Variants in CNN3 observed in about 807,000 individuals in gnomAD.
The protein encoded by CNN3 is calponin 3, also known as calponin-3.
CNN3 carries 11 observed loss-of-function variants against 39.0 expected under a neutral mutation model. That is an observed-to-expected ratio of 0.28 (90% confidence interval 0.18 to 0.47). The LOEUF is 0.47. CNN3 is among the 20% of genes least tolerant of loss of function. The pLI is 0.99. For missense variants in CNN3, 266 were observed against 403.4 expected, an observed-to-expected ratio of 0.66 and a Z score of 2.92; for synonymous variants, 101 against 138.3, an observed-to-expected ratio of 0.73 and a Z score of 1.89.
chr1:94,918,184 T>C (rs1021467812), intron 1 of CNN3, among the ~76,000 whole-genome samples: 1 of 152,134 alleles, frequency 6.6e-6, no homozygotes, highest in African/African-American at 2.4e-5. Context: ...CATGAATATA[T>C]TGCCCAGTTG....
chr1:94,901,406 A>AAT (rs2101717976), intron 5 of CNN3, among the ~76,000 whole-genome samples: 1 of 151,886 alleles, frequency 6.6e-6, no homozygotes, highest in South Asian at 2.1e-4. Flanking sequence ...CTTTTTTAAA[A>AAT]AAAAAAAAAA....
chr1:94,912,422 C>A (rs1671187469), intron 1 of CNN3, among the ~76,000 whole-genome samples: 1 of 152,180 alleles, frequency 6.6e-6, no homozygotes, highest in Non-Finnish European at 1.5e-5. Context: ...CCATCCCCAC[C>A]CAGAGGGCAA....
chr1:94,914,687 T>C lies in CNN3; in HGVS notation c.58-11163A>G, dbSNP rs184432141. 7.9e-5 allele frequency among the ~76,000 whole-genome samples: 12 copies of C among 152,336 alleles called. 1 individual carries two copies. The East Asian group carries it at 2.3e-3, about 29-fold the overall frequency. ...AGATTGCAAATGCTTTTTTGCTTAC[T>C]ACAATGGAGTCTGTCCATTTGAGAA... On this transcript the variant is annotated intron_variant, in intron 1 of 6. Coordinates refer to ENST00000370206, the MANE Select transcript of CNN3 (RefSeq NM_001839.5).
intron 2 of CNN3, 21 bp downstream of exon 2, chr1:94,903,382 T>C: frequency 1.3e-6 from 2 of 1,563,684 alleles, no homozygotes; most frequent in Non-Finnish European, 1.7e-6. Flanking sequence ...CAGAAACAGA[T>C]TCTGGAGGGC....
At chr1:94,898,139 A>G in intron 6 of CNN3, 56 bp from the exon 7 acceptor site, 1 of 1,460,064 alleles carries the variant, frequency 6.8e-7, no homozygotes, top group South Asian at 1.3e-5. Flanking sequence ...TATTCTTGTG[A>G]ATAATTTATA....
In CNN3 at chr1:94,910,306, G is replaced by A. The variant is rs78366698; in HGVS notation, c.58-6782C>T. 5.0e-3 allele frequency among the ~76,000 whole-genome samples: 767 copies of A among 152,266 alleles called. 4 individuals carry two copies. The highest frequency in any genetic ancestry group is 0.014 in the Middle Eastern group (4 of 294). ...ATATCAGGCACAGTTCAAAGGCAAA[G>A]TCTCTGTCCTAAAAGCTTACATTCT... is the stretch of plus-strand genomic sequence containing the variant. On this transcript the variant is annotated intron_variant, in intron 1 of 6. Coordinates refer to ENST00000370206, the MANE Select transcript of CNN3 (RefSeq NM_001839.5).
intron 1 of CNN3, chr1:94,925,817 C>G (rs1277965621): frequency 1.0e-6 from 1 of 985,302 alleles, no homozygotes; most frequent in Non-Finnish European, 1.2e-6. Flanking sequence ...TTGGCCAGAA[C>G]AGCAGAAAGG....
intron 1 of CNN3, among the ~76,000 whole-genome samples, chr1:94,908,979 TAA>T (rs58396959): frequency 0.091 from 12,282 of 134,436 alleles, 741 homozygotes; most frequent in African/African-American, 0.17. Flanking sequence ...CCCGTCTCTT[TAA>T]AAAAAAAAAA....
At chr1:94,914,477 C>G (rs758988042) in intron 1 of CNN3, among the ~76,000 whole-genome samples, 1 of 152,148 alleles carries the variant, frequency 6.6e-6, no homozygotes, top group African/African-American at 2.4e-5. Flanking sequence ...ACTGACCACC[C>G]GCATCCCCAT....
At position 94,927,048 on chromosome 1, in the gene CNN3, C is replaced by CCTGGGCGACTGGGTCCAACT. The variant is rs1249926111; in HGVS notation, c.-174_-155dup. 9 of 753,408 alleles carry CCTGGGCGACTGGGTCCAACT rather than the reference C, an allele frequency of 1.2e-5. No homozygotes were observed. The highest frequency in any genetic ancestry group is 1.9e-5 in the Non-Finnish European group (9 of 474,426). 46.7% of individuals were successfully genotyped at this position (753,408 alleles called of 1,614,324 possible). A position where few individuals can be genotyped will look rare whatever the true frequency, so the allele number is the denominator to read the frequency against. Reference sequence around the variant, plus strand: ...AGACGGCCGCGGGGCGCGGGCGGTGCCTGGGCGACTGGGTCCAACTGGGTG... The same window carrying CCTGGGCGACTGGGTCCAACT: ...AGACGGCCGCGGGGCGCGGGCGGTGCCTGGGCGACTGGGTCCAACTCTGGGCGACTGGGTCCAACTGGGTG... On this transcript the variant is annotated 5_prime_UTR_variant, in exon 1 of 7. Coordinates refer to ENST00000370206, the MANE Select transcript of CNN3 (RefSeq NM_001839.5).
chr1:94,903,553 G>T (rs1411271942), intron 1 of CNN3, 29 bp from the exon 2 acceptor site: 1 of 1,612,968 alleles, frequency 6.2e-7, no homozygotes, highest in Admixed American at 1.7e-5. Flanking sequence ...CACTTTAGAA[G>T]AATTTCACAA....
intron 4 of CNN3, 80 bp from the exon 5 acceptor site, chr1:94,901,865 G>T: frequency 1.0e-6 from 1 of 995,504 alleles, no homozygotes; most frequent in Non-Finnish European, 1.5e-6. Context: ...TATGTCCATA[G>T]ACAAAGGGGC....
chr1:94,897,630 T>C lies in CNN3; in HGVS notation c.*112A>G, dbSNP rs1020296745. On this transcript the variant is annotated 3_prime_UTR_variant, in exon 7 of 7. Transcript: ENST00000370206. ...TACGTAAGGCAATTTTTCTTAAAAGTACAATAAGCTTAATAGTGTTTTAGG... is the reference window on the plus strand; with the variant it reads ...TACGTAAGGCAATTTTTCTTAAAAGCACAATAAGCTTAATAGTGTTTTAGG... 9.3e-5 allele frequency: 94 copies of C among 1,016,126 alleles called. No homozygotes were observed. Among genetic ancestry groups the C allele is most frequent in the Non-Finnish European group, 1.3e-4 (92 of 698,384 alleles). The allele number at this position is 1,016,126 out of a possible 1,614,324, so 62.9% of individuals were successfully genotyped here.
At position 94,903,532 on chromosome 1, in the gene CNN3, A is replaced by G; in HGVS notation, c.58-8T>C. ...ATCATACTTGGAAGCAATCTGAAAT[A>G]CAGGTTAACTCACTTTAGAAGAATT... On this transcript the variant is annotated splice_region_variant and splice_polypyrimidine_tract_variant and intron_variant, in intron 1 of 6. Transcript: ENST00000370206. The G allele has an allele frequency of 6.2e-7, 1 of 1,613,920 alleles. No homozygotes were observed. The highest frequency in any genetic ancestry group is 1.1e-5 in the South Asian group (1 of 91,050).
chr1:94,921,124 T>C (rs981834722), intron 1 of CNN3, among the ~76,000 whole-genome samples: 2 of 152,208 alleles, frequency 1.3e-5, no homozygotes, highest in South Asian at 4.1e-4. Flanking sequence ...CTGGGCACAG[T>C]TGCTCACACC....
chr1:94,912,049 A>G (rs747570615), intron 1 of CNN3, among the ~76,000 whole-genome samples: 1 of 152,084 alleles, frequency 6.6e-6, no homozygotes, highest in Admixed American at 6.5e-5. Context: ...TTGGGCAACA[A>G]GAGTGAAATT....
chr1:94,907,694 G>A (rs558528373), intron 1 of CNN3, among the ~76,000 whole-genome samples: 5 of 152,126 alleles, frequency 3.3e-5, no homozygotes, highest in East Asian at 3.9e-4. Context: ...CCCTGTCTCT[G>A]CTAAAAATAC....
In CNN3 at chr1:94,921,157, G is replaced by A. The variant is rs117787418; in HGVS notation, c.57+5681C>T. On this transcript the variant is annotated intron_variant, in intron 1 of 6. Coordinates refer to ENST00000370206, the MANE Select transcript of CNN3 (RefSeq NM_001839.5). ...ACCTGTAATCCCAGCTCTTTGGGAGGCCAAGGCAGGTGTTATCACTTGAGG... is the reference window on the plus strand; with the variant it reads ...ACCTGTAATCCCAGCTCTTTGGGAGACCAAGGCAGGTGTTATCACTTGAGG... Among the ~76,000 whole-genome samples, 74 of 152,302 alleles carry A rather than the reference G, an allele frequency of 4.9e-4. No individual in the cohort carries two copies. In the East Asian group the frequency reaches 0.014, roughly 29 times the overall value.
intron 3 of CNN3, among the ~76,000 whole-genome samples, 197 bp downstream of exon 3, chr1:94,902,921 TTAAA>T (rs1166714875): frequency 1.3e-5 from 2 of 151,818 alleles, no homozygotes; most frequent in African/African-American, 4.8e-5. Context: ...ACAGAACTAG[TTAAA>T]TAAGTAATTA....
Sources: allele counts gnomAD v4.1 joint callset (sites outside exome capture counted in the v4.1 genomes callset), GRCh38; gene constraint gnomAD v4.1.1; transcripts MANE v1.5; gene names NCBI Gene and HGNC (gene_info 2026-07-23, HGNC 2026-07-21).